Variants in TPTE observed in about 807,000 individuals in gnomAD.
TPTE encodes the protein putative tyrosine-protein phosphatase TPTE.
In TPTE, 59 loss-of-function variants were observed where a neutral mutation model predicts 84.1. The ratio of observed to expected loss-of-function variants is 0.70; its 90% CI spans 0.57 to 0.87. The LOEUF is 0.87. Ranked by LOEUF, TPTE falls within the 40% of genes least tolerant of loss-of-function variation. The probability of loss-of-function intolerance (pLI) is 0.00; values close to 1 mark genes in which losing one functional copy is unlikely to be tolerated. For missense variants in TPTE, 382 were observed against 659.6 expected, an observed-to-expected ratio of 0.58 and a Z score of 4.61; for synonymous variants, 130 against 223.5, an observed-to-expected ratio of 0.58 and a Z score of 3.73.
intron 21 of TPTE, among the ~76,000 whole-genome samples, chr21:10,599,643 C>T (rs2075651911): frequency 6.6e-6 from 1 of 152,312 alleles, no homozygotes; most frequent in Admixed American, 6.5e-5. Context: ...CCATATTTTT[C>T]AACAACGTCA....
intron 14 of TPTE, among the ~76,000 whole-genome samples, chr21:10,575,310 G>T (rs1236591441): frequency 1.3e-5 from 2 of 152,312 alleles, no homozygotes; most frequent in African/African-American, 2.4e-5. Context: ...AGGAATCCCT[G>T]TAGGGGCTTT....
At chr21:10,592,183 A>C (rs2075491061) in intron 18 of TPTE, 110 bp from the exon 19 acceptor site, 1 of 1,553,904 alleles carries the variant, frequency 6.4e-7, no homozygotes, top group South Asian at 1.1e-5. Flanking sequence ...ACAAACAAAC[A>C]AAATCACTGA....
At chr21:10,523,960 T>C (rs1365422629) in intron 1 of TPTE, among the ~76,000 whole-genome samples, 1 of 152,304 alleles carries the variant, frequency 6.6e-6, no homozygotes, top group Non-Finnish European at 1.5e-5. Flanking sequence ...CCAGCACCTG[T>C]TGTTTCCTGA....
intron 21 of TPTE, among the ~76,000 whole-genome samples, chr21:10,599,450 G>A (rs547648006): frequency 6.6e-6 from 1 of 152,428 alleles, no homozygotes; most frequent in Non-Finnish European, 1.5e-5. Flanking sequence ...CTGTGTGCCT[G>A]TAGTCAGAGC....
chr21:10,587,324 T>G (rs1247626937), intron 17 of TPTE, among the ~76,000 whole-genome samples: 5 of 152,292 alleles, frequency 3.3e-5, no homozygotes, highest in African/African-American at 1.2e-4. Flanking sequence ...ACCCAGGTAC[T>G]GAGCACAAGA....
At chr21:10,541,330 G>C (rs1429923256) in intron 5 of TPTE, among the ~76,000 whole-genome samples, 165 bp downstream of exon 5, 8 of 152,424 alleles carry the variant, frequency 5.2e-5, no homozygotes, top group Admixed American at 3.9e-4. Flanking sequence ...GAACTAGCCA[G>C]GTGTGGTGGC....
At chr21:10,557,055 C>T (rs1231402507) in intron 8 of TPTE, among the ~76,000 whole-genome samples, 8 of 152,304 alleles carry the variant, frequency 5.3e-5, no homozygotes, top group African/African-American at 1.7e-4. Context: ...TAATTAGATC[C>T]TGTTTGTCAA....
chr21:10,545,920 G>A (rs997692910), intron 7 of TPTE, among the ~76,000 whole-genome samples: 4 of 151,896 alleles, frequency 2.6e-5, no homozygotes, highest in Non-Finnish European at 4.4e-5. Context: ...GAGCATCTGT[G>A]TATATATATG....
intron 17 of TPTE, among the ~76,000 whole-genome samples, chr21:10,580,548 A>G (rs2075253705): frequency 6.6e-6 from 1 of 152,428 alleles, no homozygotes; most frequent in Non-Finnish European, 1.5e-5. Flanking sequence ...ATAGGTTGCA[A>G]TTTCATTTTT....
At chr21:10,522,285 A>T (rs1448749936) in intron 1 of TPTE, among the ~76,000 whole-genome samples, 4 of 150,088 alleles carry the variant, frequency 2.7e-5, no homozygotes, top group African/African-American at 9.9e-5. Flanking sequence ...TGGCCGTCAC[A>T]CTCACGCTGC....
At chr21:10,523,585 A>C (rs1370527742) in intron 1 of TPTE, among the ~76,000 whole-genome samples, 1 of 152,302 alleles carries the variant, frequency 6.6e-6, no homozygotes, top group Admixed American at 6.5e-5. Flanking sequence ...TTTACTGAGA[A>C]TGATTTCCAA....
At position 10,559,375 on chromosome 21, in the gene TPTE, T is replaced by C. The variant is rs1419080425; in HGVS notation, c.234-119T>C. On this transcript the variant is annotated intron_variant, in intron 8 of 23. Transcript: ENST00000618007. ...GCTATTAGTAAAAAGCATTTTGTTA[T>C]ACAACTTCTGAATAATTTTCTTTTG... 3 of 1,471,068 alleles carry C rather than the reference T, an allele frequency of 2.0e-6. No homozygotes were observed. In the African/African-American group the frequency reaches 4.3e-5, roughly 21 times the overall value. The allele number at this position is 1,471,068 out of a possible 1,614,324, so 91.1% of individuals were successfully genotyped here.
chr21:10,542,543 CCATCCATCCATCCATCCATT>C lies in TPTE; in HGVS notation c.119+115_119+134del, dbSNP rs1172710138. ...GAGCAAGTATACCCCATCCATCCAT[CCATCCATCCATCCATCCATT>C]CATCCATCCATCCATCCATCCATCC... On this transcript the variant is annotated intron_variant, in intron 6 of 23. Transcript: ENST00000618007. 98 of 1,341,234 alleles carry C rather than the reference CCATCCATCCATCCATCCATT, an allele frequency of 7.3e-5. No homozygotes were observed. The African/African-American group carries it at 1.1e-3, about 16-fold the overall frequency. 83.1% of individuals were successfully genotyped at this position (1,341,234 alleles called of 1,614,324 possible). A position where few individuals can be genotyped will look rare whatever the true frequency, so the allele number is the denominator to read the frequency against.
At chr21:10,570,073 A>G (rs1194108138) in intron 13 of TPTE, among the ~76,000 whole-genome samples, 1 of 152,312 alleles carries the variant, frequency 6.6e-6, no homozygotes, top group Non-Finnish European at 1.5e-5. Context: ...AGAATCCCAG[A>G]GAATGAGGTC....
At position 10,590,499 on chromosome 21, in the gene TPTE, C is replaced by T; in HGVS notation, c.1065C>T (p.Ala355=). 2 of 1,614,082 alleles carry T rather than the reference C, an allele frequency of 1.2e-6. No individual in the cohort carries two copies. Among genetic ancestry groups the T allele is most frequent in the Non-Finnish European group, 1.7e-6 (2 of 1,179,908 alleles). The part of the protein sequence containing the change: ...TGTMVCAFLI[A]SEICSTAKES... ...CTATGGTTTGTGCCTTCCTTATTGC[C>T]TCTGAAATATGTTCAACTGCAAAGG... is the stretch of plus-strand genomic sequence containing the variant. The change falls in exon 18 of 24, where the codon GCC becomes GCT. Residue 355 remains alanine (A), a synonymous_variant. Transcript: ENST00000618007.
At chr21:10,601,155 A>G (rs930043912) in intron 21 of TPTE, among the ~76,000 whole-genome samples, 2 of 152,306 alleles carry the variant, frequency 1.3e-5, no homozygotes, top group African/African-American at 4.8e-5. Context: ...AATAATATTT[A>G]ATTGATTACA....
chr21:10,586,415 A>C (rs1355971131), intron 17 of TPTE, among the ~76,000 whole-genome samples: 1 of 152,296 alleles, frequency 6.6e-6, no homozygotes, highest in African/African-American at 2.4e-5. Flanking sequence ...TGTGGTGGAC[A>C]CAGAACATAC....
intron 20 of TPTE, among the ~76,000 whole-genome samples, chr21:10,597,082 G>A (rs562162889): frequency 5.3e-4 from 80 of 152,270 alleles, no homozygotes; most frequent in African/African-American, 1.9e-3. Flanking sequence ...TCAATGTAGA[G>A]TTGAGAGGAA....
intron 7 of TPTE, among the ~76,000 whole-genome samples, 191 bp downstream of exon 7, chr21:10,543,573 C>T (rs1455809607): frequency 1.3e-5 from 2 of 152,428 alleles, no homozygotes; most frequent in East Asian, 1.9e-4. Context: ...GTGGAATTTA[C>T]TCTCAGGAGC....
Sources: allele counts gnomAD v4.1 joint callset (sites outside exome capture counted in the v4.1 genomes callset), GRCh38; gene constraint gnomAD v4.1.1; transcripts MANE v1.5; gene names NCBI Gene and HGNC (gene_info 2026-07-23, HGNC 2026-07-21).